Variants in ALKBH7 observed in about 807,000 individuals in gnomAD.
The protein encoded by ALKBH7 is alkB homolog 7, RNA demethylase.
A neutral mutation model predicts 19.3 loss-of-function variants in ALKBH7; 21 were observed. That is an observed-to-expected ratio of 1.09 (90% CI 0.77 to 1.56). The LOEUF is 1.56. Among genes scored for constraint, ALKBH7 ranks in the 40% most tolerant of loss-of-function variants. The pLI is 0.00. For synonymous variants in ALKBH7, 147 were observed against 139.5 expected (o/e 1.05, Z -0.38); for missense variants, 354 against 311.4 (o/e 1.14, Z -1.03).
rs1568325234 is a variant in ALKBH7 at position 6,373,030 on chromosome 19, A to C, written c.204+6A>C. ...AATACGATCACTGGGACGCGGTGAG[A>C]CCGGCAGCGCCGGGGGCGAGGGACG... On this transcript the variant is annotated splice_donor_region_variant and intron_variant, in intron 1 of 3. Transcript: ENST00000245812. The C allele has an allele frequency of 3.2e-6, 5 of 1,557,946 alleles. No homozygotes were observed. The Admixed American group carries it at 9.6e-5, about 30-fold the overall frequency.
In ALKBH7 at chr19:6,375,165, C is replaced by T; in HGVS notation, c.*192C>T. On this transcript the variant is annotated 3_prime_UTR_variant, in exon 4 of 4. Transcript: ENST00000245812. ...GTCACAAGGCCGGGAGAGTGGTGTC[C>T]TTTATTGCACTCACTGCTGGTCGCC... The T allele has an allele frequency of 1.6e-6, 2 of 1,285,726 alleles. No individual in the cohort carries two copies. The highest frequency in any genetic ancestry group is 2.7e-5 in the East Asian group (1 of 37,610). 79.6% of individuals were successfully genotyped at this position (1,285,726 alleles called of 1,614,324 possible).
chr19:6,373,272 G>T (rs1271044164), intron 1 of ALKBH7, among the ~76,000 whole-genome samples: 1 of 148,288 alleles, frequency 6.7e-6, no homozygotes, highest in Non-Finnish European at 1.5e-5. Context: ...CGCAGGGATG[G>T]GGCGGGGCCA....
chr19:6,373,572 G>T, intron 1 of ALKBH7: 1 of 1,134,830 alleles, frequency 8.8e-7, no homozygotes, highest in Non-Finnish European at 1.1e-6. Flanking sequence ...TCGAGCGCAT[G>T]GATGGGGCGG....
In ALKBH7 at chr19:6,372,812, T is replaced by A. The variant is rs2091896681; in HGVS notation, c.-9T>A. 6 of 1,540,680 alleles carry A rather than the reference T, an allele frequency of 3.9e-6. No individual in the cohort carries two copies. Among genetic ancestry groups the A allele is most frequent in the Non-Finnish European group, 5.2e-6 (6 of 1,147,648 alleles). ...ACCCTGCCCTCTCTCATGACCCCGC[T>A]CCGGGATTATGGCCGGGACTGGGCT... On this transcript the variant is annotated 5_prime_UTR_variant, in exon 1 of 4. Coordinates refer to ENST00000245812, the MANE Select transcript of ALKBH7 (RefSeq NM_032306.4).
Position 6,372,983 on chromosome 19 carries a change from G to A in ALKBH7, c.163G>A (p.Glu55Lys). Reference protein sequence around the residue: ...EETLSRELEPELRRRRYEYDH... With the variant: ...EETLSRELEPKLRRRRYEYDH... Reference sequence around the variant, plus strand: ...GACGCTGAGCCGAGAACTGGAGCCCGAGCTGCGCCGCCGCCGCTACGAATA... The same window carrying A: ...GACGCTGAGCCGAGAACTGGAGCCCAAGCTGCGCCGCCGCCGCTACGAATA... The change falls in exon 1 of 4, where the codon GAG becomes AAG. Residue 55 changes from glutamate to lysine, a missense_variant. Physicochemically the swap from Glu to Lys is moderately conservative, Grantham distance 56. Coordinates refer to ENST00000245812, the MANE Select transcript of ALKBH7 (RefSeq NM_032306.4). 6.3e-7 allele frequency: 1 copy of A among 1,574,984 alleles called. No homozygotes were observed. Among genetic ancestry groups the A allele is most frequent in the Non-Finnish European group, 8.6e-7 (1 of 1,163,262 alleles).
At chr19:6,374,756 C>T in intron 3 of ALKBH7, 55 bp from the exon 4 acceptor site, 1 of 1,597,140 alleles carries the variant, frequency 6.3e-7, no homozygotes, top group Non-Finnish European at 8.6e-7. Flanking sequence ...TCCAGGTCTG[C>T]CTGGAGCAGG....
intron 3 of ALKBH7, 33 bp downstream of exon 3, chr19:6,374,622 A>G (rs1161418843): frequency 6.2e-7 from 1 of 1,612,094 alleles, no homozygotes; most frequent in Non-Finnish European, 8.5e-7. Context: ...CACCCCTCCA[A>G]GAATGTGCCA....
In ALKBH7 at chr19:6,374,316, C is replaced by T. The variant is rs572831401; in HGVS notation, c.318C>T (p.Ser106=). The change falls in exon 2 of 4, where the codon TCC becomes TCT. Residue 106 remains serine (S), a synonymous_variant. Transcript: ENST00000245812. ...GCCCCGGCCAGACCCTGCTCTCCTCCGTGCACGTGCTGGACCTGGAAGCCC... is the reference window on the plus strand; with the variant it reads ...GCCCCGGCCAGACCCTGCTCTCCTCTGTGCACGTGCTGGACCTGGAAGCCC... ...AFGPGQTLLS[S]VHVLDLEARG... 3 of 1,612,736 alleles carry T rather than the reference C, an allele frequency of 1.9e-6. No homozygotes were observed. Among genetic ancestry groups the T allele is most frequent in the East Asian group, 2.2e-5 (1 of 44,870 alleles).
chr19:6,374,150 A>C, intron 1 of ALKBH7, 53 bp from the exon 2 acceptor site: 2 of 1,588,648 alleles, frequency 1.3e-6, no homozygotes, highest in Non-Finnish European at 1.7e-6. Flanking sequence ...TCCTTGCCTC[A>C]GTTTCCTTGT....
Position 6,372,861 on chromosome 19 carries a change from G to T in ALKBH7, c.41G>T (p.Gly14Val). Residue 14 changes from glycine to valine, a missense_variant, in exon 1 of 4, where the codon GGG (glycine) becomes GTG (valine). By Grantham distance (109) the Gly-to-Val change is moderately radical (BLOSUM62 -3). Transcript: ENST00000245812. ...TGLLALRTLP[G>V]PSWVRGSGPS... ...CTGCTGGCGCTGCGGACGCTGCCAG[G>T]GCCCAGCTGGGTGCGAGGCTCGGGC... The T allele has an allele frequency of 1.9e-6, 3 of 1,550,044 alleles. No homozygotes were observed. The highest frequency in any genetic ancestry group is 2.6e-6 in the Non-Finnish European group (3 of 1,151,178).
intron 1 of ALKBH7, 187 bp from the exon 2 acceptor site, chr19:6,374,016 G>T: frequency 1.0e-6 from 1 of 985,254 alleles, no homozygotes; most frequent in Non-Finnish European, 1.2e-6. Flanking sequence ...TGTAGCCTCA[G>T]GGTGAGTACT....
At chr19:6,373,723 G>A in intron 1 of ALKBH7, 1 of 1,267,260 alleles carries the variant, frequency 7.9e-7, no homozygotes. Flanking sequence ...GCTGGGATGG[G>A]GCAGGGCCTT....
intron 1 of ALKBH7, 137 bp downstream of exon 1, chr19:6,373,161 G>A: frequency 8.2e-7 from 1 of 1,218,884 alleles, no homozygotes; most frequent in East Asian, 2.6e-5. Context: ...CAGAGGAGAC[G>A]AGCGCCGGGA....
chr19:6,374,054 C>T, intron 1 of ALKBH7, 149 bp from the exon 2 acceptor site: 1 of 1,486,586 alleles, frequency 6.7e-7, no homozygotes, highest in Non-Finnish European at 8.9e-7. Context: ...CTAGGTAGGG[C>T]CATAGTTGAG....
In ALKBH7 at chr19:6,373,043, G is replaced by A. The variant is rs760638473; in HGVS notation, c.204+19G>A. The A allele has an allele frequency of 6.5e-7, 1 of 1,548,948 alleles. No homozygotes were observed. Among genetic ancestry groups the A allele is most frequent in the South Asian group, 1.2e-5 (1 of 84,270 alleles). ...GGACGCGGTGAGACCGGCAGCGCCG[G>A]GGGCGAGGGACGGGGGCTCGTCGGG... On this transcript the variant is annotated intron_variant, in intron 1 of 3. Transcript: ENST00000245812.
chr19:6,373,612 C>T (rs2091903883), intron 1 of ALKBH7: 1 of 1,200,618 alleles, frequency 8.3e-7, no homozygotes, highest in Middle Eastern at 3.2e-4. Flanking sequence ...TCCGTGGAGT[C>T]AAGCGCCGGG....
Position 6,374,829 on chromosome 19 carries a change from C to T in ALKBH7, c.522C>T (p.Asp174=), listed in dbSNP as rs776739906. 13 of 1,613,356 alleles carry T rather than the reference C, an allele frequency of 8.1e-6. No homozygotes were observed. Among genetic ancestry groups the T allele is most frequent in the East Asian group, 4.5e-5 (2 of 44,872 alleles). The change falls in exon 4 of 4, where the codon GAC becomes GAT. Residue 174 remains aspartate, a synonymous_variant. Coordinates refer to ENST00000245812, the MANE Select transcript of ALKBH7 (RefSeq NM_032306.4). ...CCTGCAGGGGCTCAGCCCGTTATGA[C>T]TTCTCCCATGAGATCCTTCGGGATG... ...LYILRGSARY[D]FSHEILRDEE... is the part of the protein sequence containing the mutation.
chr19:6,374,962 C>G lies in ALKBH7; in HGVS notation c.655C>G (p.Pro219Ala). The stretch of plus-strand genomic sequence containing the variant: ...GCCAGGGGAGTCTGGACAGCCGCCC[C>G]CAGCCTGCTGACCCCCAGCTTTCTA... ...MGPGESGQPPPAC is the reference protein window; with the variant it reads ...MGPGESGQPPAAC Residue 219 changes from proline to alanine, a missense_variant, in exon 4 of 4, where the codon CCA (proline) becomes GCA (alanine). By Grantham distance (27) the Pro-to-Ala change is conservative. Transcript: ENST00000245812. 1.3e-6 allele frequency: 2 copies of G among 1,597,112 alleles called. No individual in the cohort carries two copies. The highest frequency in any genetic ancestry group is 1.7e-6 in the Non-Finnish European group (2 of 1,168,960).
intron 1 of ALKBH7, chr19:6,373,532 G>C: frequency 1.3e-6 from 1 of 755,202 alleles, no homozygotes; most frequent in Non-Finnish European, 1.8e-6. Flanking sequence ...AGAAGAACGT[G>C]GCGGCTGGGA....
Sources: allele counts gnomAD v4.1 joint callset (sites outside exome capture counted in the v4.1 genomes callset), GRCh38; gene constraint gnomAD v4.1.1; transcripts MANE v1.5; gene names NCBI Gene and HGNC (gene_info 2026-07-23, HGNC 2026-07-21).